The following FAM3B variants were observed in gnomAD, a reference collection of about 807,000 sequenced individuals.
FAM3B encodes the protein FAM3 metabolism regulating signaling molecule B.
A neutral mutation model predicts 28.4 loss-of-function variants in FAM3B; 29 were observed. That is an observed-to-expected ratio of 1.02 (90% CI 0.76 to 1.39). FAM3B has a LOEUF of 1.39. Ranked by LOEUF, FAM3B falls within the 40% of genes most tolerant of loss-of-function variation. The pLI is 0.00. For synonymous variants in FAM3B, 91 were observed against 103.0 expected (o/e 0.88, Z 0.71); for missense variants, 266 against 293.9 (o/e 0.91, Z 0.69).
chr21:41,347,513 G>A (rs1026412467), intron 6 of FAM3B, among the ~76,000 whole-genome samples: 3 of 152,088 alleles, frequency 2.0e-5, no homozygotes, highest in South Asian at 2.1e-4. Context: ...CCTAGCACTT[G>A]GGAGACCGAG....
At chr21:41,322,097 GCAAA>G (rs1372052895) in intron 1 of FAM3B, among the ~76,000 whole-genome samples, 10 of 152,212 alleles carry the variant, frequency 6.6e-5, no homozygotes, top group Admixed American at 5.9e-4. Flanking sequence ...ATCTGGGTAA[GCAAA>G]CTGCTGAATA....
chr21:41,346,021 TTAA>T (rs79807065), intron 5 of FAM3B: 2 of 244,584 alleles, frequency 8.2e-6, no homozygotes, highest in South Asian at 4.5e-5. Context: ...AGCCTTTTTT[TTAA>T]AAAAAAAAAA....
At chr21:41,351,049 T>C (rs2145833039) in intron 7 of FAM3B, among the ~76,000 whole-genome samples, 2 of 152,362 alleles carry the variant, frequency 1.3e-5, no homozygotes, top group Middle Eastern at 6.8e-3. Context: ...AGCTGATTTA[T>C]GAGAGTGTCC....
At chr21:41,333,738 CA>C (rs1458058919) in intron 2 of FAM3B, among the ~76,000 whole-genome samples, 1 of 152,128 alleles carries the variant, frequency 6.6e-6, no homozygotes, top group African/African-American at 2.4e-5. Flanking sequence ...AATAAGGAAG[CA>C]GCTTTGGAAC....
chr21:41,337,122 T>C (rs1220594896), intron 2 of FAM3B, among the ~76,000 whole-genome samples: 1 of 152,248 alleles, frequency 6.6e-6, no homozygotes, highest in Non-Finnish European at 1.5e-5. Context: ...ACTTGTGATA[T>C]TTTATGTATA....
At chr21:41,323,164 C>T (rs529661465) in intron 2 of FAM3B, 98 bp downstream of exon 2, 53 of 1,501,378 alleles carry the variant, frequency 3.5e-5, no homozygotes, top group South Asian at 1.9e-4. Flanking sequence ...GGGGCCCTGA[C>T]GGCTTTATAT....
intron 1 of FAM3B, among the ~76,000 whole-genome samples, chr21:41,306,403 T>A (rs1051823184): frequency 2.6e-5 from 4 of 152,210 alleles, no homozygotes; most frequent in African/African-American, 9.7e-5. Flanking sequence ...TTTGCCCAGA[T>A]CCATCAGAGG....
intron 2 of FAM3B, among the ~76,000 whole-genome samples, chr21:41,330,383 C>T (rs1233479393): frequency 1.3e-5 from 2 of 152,114 alleles, no homozygotes; most frequent in South Asian, 4.1e-4. Flanking sequence ...AAGGTATACC[C>T]AACTGGTATA....
chr21:41,346,111 G>A (rs866165707), intron 5 of FAM3B: 3 of 205,014 alleles, frequency 1.5e-5, no homozygotes, highest in African/African-American at 4.8e-5. Context: ...AAGCTGTCAC[G>A]ATTACTCCTG....
At chr21:41,336,669 TG>T (rs2088958828) in intron 2 of FAM3B, among the ~76,000 whole-genome samples, 1 of 152,202 alleles carries the variant, frequency 6.6e-6, no homozygotes, top group Non-Finnish European at 1.5e-5. Context: ...TTGTTGAAAG[TG>T]GGGTATTGAC....
At chr21:41,338,253 C>G (rs2088973113) in intron 2 of FAM3B, 125 bp from the exon 3 acceptor site, 2 of 1,095,470 alleles carry the variant, frequency 1.8e-6, no homozygotes, top group Non-Finnish European at 2.6e-6. Flanking sequence ...ACCCTTCCCC[C>G]TCAGGTTTTC....
intron 2 of FAM3B, among the ~76,000 whole-genome samples, chr21:41,325,472 C>T (rs2088847528): frequency 6.6e-6 from 1 of 152,198 alleles, no homozygotes; most frequent in Non-Finnish European, 1.5e-5. Context: ...CTGGAATAAT[C>T]TTCCTCATTT....
intron 2 of FAM3B, among the ~76,000 whole-genome samples, chr21:41,328,813 G>A (rs566613674): frequency 4.6e-5 from 7 of 152,138 alleles, no homozygotes; most frequent in Admixed American, 4.6e-4. Flanking sequence ...AGCCTGCAGG[G>A]TTGGTGTGAG....
At chr21:41,350,832 C>CCTCCT (rs1361180903) in intron 7 of FAM3B, among the ~76,000 whole-genome samples, 1 of 152,228 alleles carries the variant, frequency 6.6e-6, no homozygotes, top group Non-Finnish European at 1.5e-5. Flanking sequence ...CTGTTTTCCT[C>CCTCCT]CTCCTCTTTC....
At chr21:41,352,108 G>C (rs2089125683) in intron 7 of FAM3B, among the ~76,000 whole-genome samples, 1 of 152,188 alleles carries the variant, frequency 6.6e-6, no homozygotes, top group Non-Finnish European at 1.5e-5. Flanking sequence ...CTGGAGCACA[G>C]ACCCTTGTCT....
chr21:41,321,761 G>A (rs528098643), intron 1 of FAM3B, among the ~76,000 whole-genome samples: 51 of 152,346 alleles, frequency 3.3e-4, no homozygotes, highest in Admixed American at 2.9e-3. Flanking sequence ...CAGCATAGCC[G>A]GTGCATGGGT....
At chr21:41,322,706 A>T (rs2838010) in intron 1 of FAM3B, 70,133 of 733,916 alleles carry the variant, frequency 0.096, 3,623 homozygotes, top group Admixed American at 0.14. Flanking sequence ...CTTGCCCTGG[A>T]AAGCATTCCT....
chr21:41,327,668 G>A (rs1009588051), intron 2 of FAM3B, among the ~76,000 whole-genome samples: 11 of 152,154 alleles, frequency 7.2e-5, no homozygotes, highest in African/African-American at 2.7e-4. Flanking sequence ...CCTCATGGTG[G>A]GGATCTTCTC....
chr21:41,325,912 G>A (rs147899910), intron 2 of FAM3B, among the ~76,000 whole-genome samples: 7 of 152,308 alleles, frequency 4.6e-5, no homozygotes, highest in Admixed American at 1.3e-4. Flanking sequence ...GGAGCTGCTC[G>A]TGAGGATGAG....
Sources: allele counts gnomAD v4.1 joint callset (sites outside exome capture counted in the v4.1 genomes callset), GRCh38; gene constraint gnomAD v4.1.1; transcripts MANE v1.5; gene names NCBI Gene and HGNC (gene_info 2026-07-23, HGNC 2026-07-21).